ASPA: variants seen among roughly 807,000 people sequenced by gnomAD.
ASPA encodes aspartoacylase.
In ASPA, 25 loss-of-function variants were observed where a neutral mutation model predicts 29.6. The observed-to-expected ratio is 0.85, with a 90% CI of 0.62 to 1.18. ASPA has a LOEUF of 1.18. ASPA is among the 50% of genes most tolerant of loss of function. The pLI is 0.00. For missense variants in ASPA, 333 were observed against 385.7 expected (o/e 0.86, Z 1.14); for synonymous variants, 131 against 130.3 (o/e 1.01, Z -0.04).
chr17:3,495,155 G>A (rs1483245585), intron 5 of ASPA, among the ~76,000 whole-genome samples: 1 of 152,156 alleles, frequency 6.6e-6, no homozygotes, highest in Non-Finnish European at 1.5e-5. Context: ...AAGGGAAAAG[G>A]AGAGAAGAAC....
chr17:3,479,002 T>A (rs1325468988), intron 1 of ASPA, among the ~76,000 whole-genome samples: 1 of 152,172 alleles, frequency 6.6e-6, no homozygotes, highest in Non-Finnish European at 1.5e-5. Context: ...TCCTAAAGGG[T>A]CTCTCTGCAT....
At chr17:3,491,570 A>G (rs1480391006) in intron 4 of ASPA, among the ~76,000 whole-genome samples, 2 of 152,056 alleles carry the variant, frequency 1.3e-5, no homozygotes, top group Admixed American at 1.3e-4. Context: ...AACATGGGGA[A>G]AACCTTGTCT....
At chr17:3,495,646 G>A (rs1275641490) in intron 5 of ASPA, among the ~76,000 whole-genome samples, 8 of 152,198 alleles carry the variant, frequency 5.3e-5, no homozygotes, top group African/African-American at 1.4e-4. Context: ...TCAGCTCACT[G>A]CAAGCTCCAC....
intron 3 of ASPA, among the ~76,000 whole-genome samples, chr17:3,484,626 A>G (rs1343251742): frequency 6.6e-6 from 1 of 152,252 alleles, no homozygotes; most frequent in East Asian, 1.9e-4. Flanking sequence ...TCTGCTATAG[A>G]GCAATACTTT....
Position 3,500,831 on chromosome 17 carries a change from T to C in ASPA, c.*1743T>C, listed in dbSNP as rs2073981372. On this transcript the variant is annotated 3_prime_UTR_variant, in exon 6 of 6. Coordinates refer to ENST00000263080, the MANE Select transcript of ASPA (RefSeq NM_000049.4). ...AAAATCGTAGGACTCTGAAGACTGA[T>C]GCTAAACCTGCTGTGTCTGAGCTCT... The C allele has an allele frequency of 6.6e-6, 1 of 152,184 alleles. No individual in the cohort carries two copies. Among genetic ancestry groups the C allele is most frequent in the Non-Finnish European group, 1.5e-5 (1 of 68,084 alleles). The allele number at this position is 152,184 out of a possible 1,614,324, so 9.4% of individuals were successfully genotyped here. A position where few individuals can be genotyped will look rare whatever the true frequency, so the allele number is the denominator to read the frequency against.
intron 4 of ASPA, among the ~76,000 whole-genome samples, chr17:3,492,176 G>A (rs1404378630): frequency 2.0e-5 from 3 of 152,134 alleles, no homozygotes; most frequent in Non-Finnish European, 2.9e-5. Context: ...TGCGCCTGGC[G>A]AGACAGAAAT....
intron 5 of ASPA, among the ~76,000 whole-genome samples, chr17:3,498,216 G>T (rs59335404): frequency 0.22 from 32,939 of 152,136 alleles, 3,858 homozygotes; most frequent in Non-Finnish European, 0.27. Context: ...CCTAAATTTT[G>T]CTGAACAGAA....
At position 3,490,698 on chromosome 17, in the gene ASPA, A is replaced by G. The variant is rs1403183289; in HGVS notation, c.634+1356A>G. ...TTGAGAAGATCACAACATACTTACA[A>G]TAAACCCTCTGAATAGGAAGTGTGG... On this transcript the variant is annotated intron_variant, in intron 4 of 5. Coordinates refer to ENST00000263080, the MANE Select transcript of ASPA (RefSeq NM_000049.4). This position sits in a 1 kb window ranked among gnomAD's most constrained non-coding sequence, Gnocchi z 4.6. Among the ~76,000 whole-genome samples, 2 of 152,218 alleles carry G rather than the reference A, an allele frequency of 1.3e-5. No individual in the cohort carries two copies. Among genetic ancestry groups the G allele is most frequent in the Non-Finnish European group, 2.9e-5 (2 of 68,038 alleles).
chr17:3,493,356 A>G (rs890982509), intron 4 of ASPA, among the ~76,000 whole-genome samples: 4 of 152,018 alleles, frequency 2.6e-5, no homozygotes, highest in African/African-American at 4.8e-5. Flanking sequence ...AGGTCAAGAA[A>G]TCGAGACCAT....
chr17:3,497,316 G>A (rs985767148), intron 5 of ASPA, among the ~76,000 whole-genome samples: 12 of 152,262 alleles, frequency 7.9e-5, no homozygotes, highest in African/African-American at 1.7e-4. Context: ...GTTCTCAGCC[G>A]AGCCACCCTG....
intron 4 of ASPA, among the ~76,000 whole-genome samples, chr17:3,494,002 T>G (rs1567617223): frequency 6.6e-6 from 1 of 151,520 alleles, no homozygotes; most frequent in Non-Finnish European, 1.5e-5. Context: ...GTTATTATTG[T>G]TTCTTCCTTA....
At chr17:3,476,651 C>T (rs2073528497) in intron 1 of ASPA, among the ~76,000 whole-genome samples, 2 of 152,162 alleles carry the variant, frequency 1.3e-5, no homozygotes, top group Admixed American at 1.3e-4. Context: ...TGTATACAGA[C>T]TGAGACAATA....
intron 4 of ASPA, among the ~76,000 whole-genome samples, chr17:3,491,864 T>C (rs2073831012): frequency 7.5e-6 from 1 of 133,262 alleles, no homozygotes; most frequent in Admixed American, 8.7e-5. Context: ...CAGAAATTTT[T>C]TTCTTTTGTT....
At chr17:3,492,551 T>G (rs541999515) in intron 4 of ASPA, among the ~76,000 whole-genome samples, 1 of 152,220 alleles carries the variant, frequency 6.6e-6, no homozygotes, top group African/African-American at 2.4e-5. Context: ...ACTTCTGGAA[T>G]AGCTGGCTTG....
chr17:3,491,909 A>C (rs148831884), intron 4 of ASPA, among the ~76,000 whole-genome samples: 1,548 of 116,314 alleles, frequency 0.013, 34 homozygotes, highest in African/African-American at 0.048. Context: ...ACAGGGTCTC[A>C]CTCTGTTGCC....
At chr17:3,491,392 A>G (rs1025243690) in intron 4 of ASPA, among the ~76,000 whole-genome samples, 5 of 152,188 alleles carry the variant, frequency 3.3e-5, no homozygotes, top group African/African-American at 9.7e-5. Context: ...AGAAACATCT[A>G]TAAAGAGGAA....
chr17:3,475,625 T>TA (rs1184649409), upstream of ASPA: 5 of 161,364 alleles, frequency 3.1e-5, no homozygotes, highest in African/African-American at 1.2e-4. Context: ...TGGCTGTTTA[T>TA]AGAGGTGAGA....
intron 1 of ASPA, among the ~76,000 whole-genome samples, chr17:3,481,017 G>A (rs2073618327): frequency 1.3e-5 from 2 of 152,162 alleles, no homozygotes; most frequent in South Asian, 4.1e-4. Flanking sequence ...CAGCTACTCA[G>A]GAGGCTGAGA....
intron 3 of ASPA, 65 bp from the exon 4 acceptor site, chr17:3,489,170 A>G: frequency 2.1e-6 from 2 of 975,582 alleles, no homozygotes; most frequent in South Asian, 2.9e-5. Context: ...ATACATTAAA[A>G]TGCTTAGTTT....
Sources: gnomAD v4.1 joint callset for allele counts (sites outside exome capture counted in the v4.1 genomes callset) on GRCh38, gnomAD v4.1.1 for gene constraint, Gnocchi (gnomAD v3.1) non-coding constraint, MANE v1.5 for transcripts, NCBI Gene and HGNC (gene_info 2026-07-23, HGNC 2026-07-21) for gene names.